Variants in ITPK1 observed in about 807,000 individuals in gnomAD.
ITPK1 encodes the protein inositol 1,3,4-trisphosphate 5/6-kinase.
In ITPK1, 21 loss-of-function variants were observed where a neutral mutation model predicts 45.3. The ratio of observed to expected loss-of-function variants is 0.46; its 90% CI spans 0.33 to 0.67. The LOEUF (loss-of-function observed/expected upper bound fraction) is 0.67, where lower values mean the gene tolerates loss of function less well. ITPK1 is among the 30% of genes least tolerant of loss of function. ITPK1 has a pLI of 0.02. For missense variants in ITPK1, 474 were observed against 573.5 expected, an observed-to-expected ratio of 0.83 and a Z score of 1.77; for synonymous variants, 258 against 253.6, an observed-to-expected ratio of 1.02 and a Z score of -0.16.
chr14:93,020,611 C>CATA (rs1888417040), intron 3 of ITPK1, among the ~76,000 whole-genome samples: 1 of 152,230 alleles, frequency 6.6e-6, no homozygotes, highest in Non-Finnish European at 1.5e-5. Context: ...TCCAGGATTG[C>CATA]ACCGTAACCC....
At chr14:93,052,659 G>A (rs536541386) in intron 3 of ITPK1, among the ~76,000 whole-genome samples, 2 of 152,218 alleles carry the variant, frequency 1.3e-5, no homozygotes, top group Middle Eastern at 3.4e-3. Flanking sequence ...AGCCTCACCG[G>A]CCTTCTGGCT....
At chr14:93,085,932 T>TG (rs137941522) in intron 2 of ITPK1, among the ~76,000 whole-genome samples, 7 of 151,974 alleles carry the variant, frequency 4.6e-5, no homozygotes, top group African/African-American at 1.7e-4. Context: ...AGGGAGGTAG[T>TG]GGGGGGTGCT....
intron 5 of ITPK1, among the ~76,000 whole-genome samples, chr14:92,972,439 G>C (rs1281351160): frequency 6.6e-6 from 1 of 152,128 alleles, no homozygotes; most frequent in Non-Finnish European, 1.5e-5. Flanking sequence ...GCAGGCCAAG[G>C]AGGGAGGCCT....
intron 2 of ITPK1, among the ~76,000 whole-genome samples, chr14:93,101,773 C>A (rs2140024010): frequency 6.6e-6 from 1 of 152,298 alleles, no homozygotes; most frequent in Middle Eastern, 3.4e-3. Flanking sequence ...TCGCTTGAAT[C>A]CAGGAGGTGG....
At chr14:92,960,663 C>T (rs2139738178) in intron 7 of ITPK1, among the ~76,000 whole-genome samples, 1 of 152,384 alleles carries the variant, frequency 6.6e-6, no homozygotes, top group African/African-American at 2.4e-5. Flanking sequence ...ACGTTAATAA[C>T]TACGCTCGTG....
At chr14:93,007,883 A>C (rs1887701107) in intron 4 of ITPK1, among the ~76,000 whole-genome samples, 1 of 152,230 alleles carries the variant, frequency 6.6e-6, no homozygotes, top group Non-Finnish European at 1.5e-5. Context: ...TGGGGACTAG[A>C]AAATGGCACG....
At chr14:92,973,321 G>A (rs1188117483) in intron 5 of ITPK1, among the ~76,000 whole-genome samples, 1 of 152,238 alleles carries the variant, frequency 6.6e-6, no homozygotes, top group East Asian at 1.9e-4. Flanking sequence ...TAAGTGAGCC[G>A]TAAGCACTGG....
chr14:93,089,889 AAGAGCC>A (rs1326323814), intron 2 of ITPK1, among the ~76,000 whole-genome samples: 1 of 152,206 alleles, frequency 6.6e-6, no homozygotes, highest in Admixed American at 6.5e-5. Context: ...AGCCAAAGCC[AAGAGCC>A]AGGACCCTGG....
chr14:93,028,754 C>T (rs1008075313), intron 3 of ITPK1, among the ~76,000 whole-genome samples: 4 of 152,238 alleles, frequency 2.6e-5, no homozygotes, highest in African/African-American at 9.6e-5. Context: ...CCACCTCTAA[C>T]GCCAAACAGT....
At chr14:93,026,254 A>G (rs1888723421) in intron 3 of ITPK1, among the ~76,000 whole-genome samples, 1 of 152,240 alleles carries the variant, frequency 6.6e-6, no homozygotes. Flanking sequence ...ACAAATGACT[A>G]ATCTCTCTCA....
At chr14:93,054,582 T>A (rs1489457383) in intron 3 of ITPK1, among the ~76,000 whole-genome samples, 3 of 152,164 alleles carry the variant, frequency 2.0e-5, no homozygotes, top group Non-Finnish European at 4.4e-5. Flanking sequence ...ACTCCCTTGA[T>A]TACAGAGAGG....
intron 5 of ITPK1, among the ~76,000 whole-genome samples, chr14:92,965,599 C>T (rs1885301708): frequency 6.6e-6 from 1 of 152,190 alleles, no homozygotes; most frequent in South Asian, 2.1e-4. Context: ...CCAAGGAATG[C>T]ACATATTTAA....
chr14:92,992,853 A>G (rs1272888614), intron 5 of ITPK1, among the ~76,000 whole-genome samples: 1 of 152,246 alleles, frequency 6.6e-6, no homozygotes, highest in Non-Finnish European at 1.5e-5. Context: ...ATTCATCTGT[A>G]AAATGGGAAG....
rs1885297986 is a variant in ITPK1, at chr14:92,965,542, G to A, written c.365-2693C>T. On this transcript the variant is annotated intron_variant, in intron 5 of 10. Coordinates refer to ENST00000267615, the MANE Select transcript of ITPK1 (RefSeq NM_014216.6). ...GCATACAGAGTGGAAGGGAAGAAGT[G>A]AAACCATCTCTACTTGCAGATAATA... Among the ~76,000 whole-genome samples the A allele has an allele frequency of 2.6e-5, 4 of 152,290 alleles. 1 individual carries two copies. In the South Asian group the frequency reaches 6.2e-4, roughly 24 times the overall value.
In ITPK1 at chr14:93,000,555, G is replaced by A. The variant is rs140242036; in HGVS notation, c.247-6558C>T. Among the ~76,000 whole-genome samples the A allele has an allele frequency of 2.8e-3, 421 of 152,296 alleles. 2 individuals are homozygous for A. The highest frequency in any genetic ancestry group is 9.5e-3 in the African/African-American group (396 of 41,570). ...GGGGCTTTGCCAGGATTCAAAATCA[G>A]CCATTCCAGTGTCAAACGCCAGGCC... is the stretch of plus-strand genomic sequence containing the variant. On this transcript the variant is annotated intron_variant, in intron 4 of 10. Coordinates refer to ENST00000267615, the MANE Select transcript of ITPK1 (RefSeq NM_014216.6).
At chr14:93,112,977 T>C (rs561432698) in intron 2 of ITPK1, among the ~76,000 whole-genome samples, 3 of 152,300 alleles carry the variant, frequency 2.0e-5, no homozygotes, top group South Asian at 4.2e-4. Flanking sequence ...GCAGCCAGTA[T>C]AGAAATGTGG....
chr14:93,110,174 T>C (rs1351707280), intron 2 of ITPK1, among the ~76,000 whole-genome samples: 3 of 152,224 alleles, frequency 2.0e-5, no homozygotes, highest in South Asian at 2.1e-4. Flanking sequence ...AATAGATCCA[T>C]GTGCACACGG....
chr14:93,020,154 G>A (rs531645488), intron 3 of ITPK1, among the ~76,000 whole-genome samples: 2 of 152,208 alleles, frequency 1.3e-5, no homozygotes, highest in Non-Finnish European at 2.9e-5. Context: ...AGGGACGAAG[G>A]CAGAGACTTA....
At position 92,995,170 on chromosome 14, in the gene ITPK1, G is replaced by C. The variant is rs556956419; in HGVS notation, c.247-1173C>G. On this transcript the variant is annotated intron_variant, in intron 4 of 10. Transcript: ENST00000267615. ...GAGCTGTTGGCCCCCTGGGCTGGGA[G>C]ATTCCTGCAGCGTTAAAAGCCTCCC... is the stretch of plus-strand genomic sequence containing the variant. Among the ~76,000 whole-genome samples, 3 of 152,310 alleles carry C rather than the reference G, an allele frequency of 2.0e-5. No individual in the cohort carries two copies. In the South Asian group the frequency reaches 6.2e-4, roughly 32 times the overall value.
Sources: allele counts gnomAD v4.1 joint callset (sites outside exome capture counted in the v4.1 genomes callset), GRCh38; gene constraint gnomAD v4.1.1; transcripts MANE v1.5; gene names NCBI Gene and HGNC (gene_info 2026-07-23, HGNC 2026-07-21).